CUX2: variants seen among roughly 807,000 people sequenced by gnomAD.
CUX2 encodes the protein cut like homeobox 2, also known as homeobox protein cut-like 2.
In CUX2, 40 loss-of-function variants were observed where a neutral mutation model predicts 144.8. That is an observed-to-expected ratio of 0.28 (90% CI 0.21 to 0.36). CUX2 has a LOEUF of 0.36. Among genes scored for constraint, CUX2 ranks in the 10% least tolerant of loss-of-function variants. The probability of loss-of-function intolerance (pLI) is 1.00; values close to 1 mark genes in which losing one functional copy is unlikely to be tolerated. For missense variants in CUX2, 1,615 were observed against 1,994.0 expected (o/e 0.81, Z 3.62); for synonymous variants, 827 against 875.6 (o/e 0.94, Z 0.98).
intron 1 of CUX2, among the ~76,000 whole-genome samples, chr12:111,182,441 T>C (rs1039511775): frequency 6.6e-6 from 1 of 152,224 alleles, no homozygotes; most frequent in Admixed American, 6.5e-5. Flanking sequence ...ATCCTGACGT[T>C]CTCCAGTTGA....
At chr12:111,224,178 G>A (rs1361675865) in intron 3 of CUX2, among the ~76,000 whole-genome samples, 7 of 152,130 alleles carry the variant, frequency 4.6e-5, no homozygotes, top group African/African-American at 1.2e-4. Flanking sequence ...CCATTCCCCC[G>A]TCCTCCCTGC....
intron 1 of CUX2, among the ~76,000 whole-genome samples, chr12:111,070,395 TC>T (rs1871208834): frequency 1.4e-3 from 1 of 708 alleles, no homozygotes; most frequent in Non-Finnish European, 7.0e-3. Flanking sequence ...CTTCCTTCTT[TC>T]CTTCCTTCCT....
chr12:111,121,658 G>C (rs984097367), intron 1 of CUX2, among the ~76,000 whole-genome samples: 5 of 151,574 alleles, frequency 3.3e-5, no homozygotes, highest in African/African-American at 9.7e-5. Context: ...CACTATGCCC[G>C]GCCAATAAAC....
At chr12:111,103,968 C>A (rs1475330499) in intron 1 of CUX2, among the ~76,000 whole-genome samples, 1 of 152,172 alleles carries the variant, frequency 6.6e-6, no homozygotes, top group African/African-American at 2.4e-5. Flanking sequence ...CCTGGGATTC[C>A]CCCTGATTGG....
At chr12:111,131,343 C>T (rs998893378) in intron 1 of CUX2, among the ~76,000 whole-genome samples, 3 of 152,178 alleles carry the variant, frequency 2.0e-5, no homozygotes, top group Non-Finnish European at 4.4e-5. Context: ...GTCCCTCCCA[C>T]AACACATGGG....
In CUX2 at chr12:111,126,322, TG is replaced by T. The variant is rs1356852246; in HGVS notation, c.64-87876del. ...CGGGGTTTCACCATGTTGGCCAGTC[TG>T]GTCTCAAACTCCTGACCTCAAGTGA... On this transcript the variant is annotated intron_variant, in intron 1 of 21. Coordinates refer to ENST00000261726, the MANE Select transcript of CUX2 (RefSeq NM_015267.4). 2.0e-5 allele frequency among the ~76,000 whole-genome samples: 3 copies of T among 152,170 alleles called. No individual in the cohort carries two copies. In the South Asian group the frequency reaches 6.2e-4, roughly 32 times the overall value.
chr12:111,328,978 CCT>C (rs1259506333), intron 18 of CUX2, among the ~76,000 whole-genome samples: 1 of 35,954 alleles, frequency 2.8e-5, no homozygotes, highest in Non-Finnish European at 4.3e-5. Flanking sequence ...TCTCTCTCCC[CCT>C]CTCTCCCTCT....
At chr12:111,176,348 T>G (rs1878857167) in intron 1 of CUX2, among the ~76,000 whole-genome samples, 1 of 152,116 alleles carries the variant, frequency 6.6e-6, no homozygotes, top group African/African-American at 2.4e-5. Context: ...ATGCCCAGTG[T>G]GAGGAATATC....
chr12:111,227,036 A>G (rs1882186148), intron 3 of CUX2, among the ~76,000 whole-genome samples: 1 of 152,096 alleles, frequency 6.6e-6, no homozygotes, highest in South Asian at 2.1e-4. Context: ...GAGACACAAG[A>G]TGGAAGCTAC....
chr12:111,326,315 G>C (rs1887808064), intron 18 of CUX2, among the ~76,000 whole-genome samples: 1 of 55,614 alleles, frequency 1.8e-5, no homozygotes, highest in Non-Finnish European at 3.1e-5. Flanking sequence ...TGTTGTGGTG[G>C]GGGAGGGGTG....
At position 111,139,392 on chromosome 12, in the gene CUX2, G is replaced by A. The variant is rs114419837; in HGVS notation, c.64-74808G>A. 3.1e-3 allele frequency among the ~76,000 whole-genome samples: 473 copies of A among 152,272 alleles called. 2 individuals are homozygous for A. Among genetic ancestry groups the A allele is most frequent in the African/African-American group, 0.011 (459 of 41,550 alleles). The stretch of plus-strand genomic sequence containing the variant: ...TTTCTGCCTCCCTGGCCTGGGATGA[G>A]CTGCAGAGAGTGGATGAACCACAGA... On this transcript the variant is annotated intron_variant, in intron 1 of 21. Transcript: ENST00000261726.
At chr12:111,285,324 G>A (rs536470363) in intron 4 of CUX2, among the ~76,000 whole-genome samples, 50 of 152,260 alleles carry the variant, frequency 3.3e-4, no homozygotes, top group African/African-American at 1.1e-3. Context: ...TAGCTGGGCC[G>A]GCTGAGGGAT....
intron 4 of CUX2, among the ~76,000 whole-genome samples, chr12:111,290,719 G>A (rs1394522585): frequency 2.0e-5 from 3 of 151,902 alleles, no homozygotes; most frequent in Non-Finnish European, 4.4e-5. Flanking sequence ...AAGCCACTGC[G>A]CCCAGACTAT....
At chr12:111,140,706 C>T (rs1876259654) in intron 1 of CUX2, among the ~76,000 whole-genome samples, 1 of 152,252 alleles carries the variant, frequency 6.6e-6, no homozygotes, top group Non-Finnish European at 1.5e-5. Flanking sequence ...GGGGAATGCG[C>T]AGCCCTTGTC....
At chr12:111,181,652 G>A (rs148322604) in intron 1 of CUX2, among the ~76,000 whole-genome samples, 41 of 152,318 alleles carry the variant, frequency 2.7e-4, no homozygotes, top group African/African-American at 8.2e-4. Flanking sequence ...GCAGGCCTGC[G>A]CAGATCTATA....
At chr12:111,124,537 A>G (rs1874916376) in intron 1 of CUX2, among the ~76,000 whole-genome samples, 1 of 152,112 alleles carries the variant, frequency 6.6e-6, no homozygotes, top group Admixed American at 6.5e-5. Flanking sequence ...TCATTTCTTT[A>G]TGGCCAGTTT....
At position 111,068,497 on chromosome 12, in the gene CUX2, T is replaced by A. The variant is rs114611587; in HGVS notation, c.63+34257T>A. 3.6e-3 allele frequency among the ~76,000 whole-genome samples: 546 copies of A among 152,352 alleles called. 4 individuals carry two copies. Among genetic ancestry groups the A allele is most frequent in the African/African-American group, 0.012 (514 of 41,588 alleles). On this transcript the variant is annotated intron_variant, in intron 1 of 21. Coordinates refer to ENST00000261726, the MANE Select transcript of CUX2 (RefSeq NM_015267.4). The surrounding 1 kb of genome is among the most constrained non-coding windows in gnomAD (Gnocchi z 4.9). ...AGACGCCTGCAACAGTGAGCTTTTT[T>A]ATTTTTTTCCAGAAAGCCTTCAGCC...
chr12:111,135,029 C>T (rs926489423), intron 1 of CUX2, among the ~76,000 whole-genome samples: 5 of 152,070 alleles, frequency 3.3e-5, no homozygotes, highest in African/African-American at 9.7e-5. Context: ...CAGTTGTGTA[C>T]TAGAAAGATT....
Position 111,310,156 on chromosome 12 carries a change from C to A in CUX2, c.1374C>A (p.Ser458Arg). The A allele has an allele frequency of 6.5e-7, 1 of 1,549,480 alleles. No individual in the cohort carries two copies. The highest frequency in any genetic ancestry group is 8.7e-7 in the Non-Finnish European group (1 of 1,149,400). The part of the protein sequence containing the change: ...PPGPEDPLSP[S>R]PGQPLLGPSL... ...GGCCAGAAGACCCCCTGTCTCCCAG[C>A]CCCGGGCAGCCCCTGCTGGGCCCCA... Residue 458 changes from serine to arginine, a missense_variant, in exon 15 of 22, where the codon AGC (serine) becomes AGA (arginine). Ser to Arg is a moderately radical substitution (Grantham distance 110). Transcript: ENST00000261726. This position sits in a 1 kb window ranked among gnomAD's most constrained non-coding sequence, Gnocchi z 7.9.
Sources: allele counts gnomAD v4.1 joint callset (sites outside exome capture counted in the v4.1 genomes callset), GRCh38; gene constraint gnomAD v4.1.1; non-coding constraint Gnocchi (gnomAD v3.1); transcripts MANE v1.5; gene names NCBI Gene and HGNC (gene_info 2026-07-23, HGNC 2026-07-21).